GSG1L: variants seen among roughly 807,000 people sequenced by gnomAD.
The protein encoded by GSG1L is GSG1 like.
GSG1L carries 24 observed loss-of-function variants against 42.1 expected under a neutral mutation model. The observed-to-expected ratio is 0.57, with a 90% CI of 0.41 to 0.80. The LOEUF is 0.80. GSG1L is among the 30% of genes least tolerant of loss of function. The probability of loss-of-function intolerance (pLI) is 0.00; values close to 1 mark genes in which losing one functional copy is unlikely to be tolerated. For missense variants in GSG1L, 445 were observed against 472.2 expected, an observed-to-expected ratio of 0.94 and a Z score of 0.53; for synonymous variants, 215 against 203.5, an observed-to-expected ratio of 1.06 and a Z score of -0.48.
At chr16:27,953,092 T>C (rs1041723317) in intron 2 of GSG1L, among the ~76,000 whole-genome samples, 1 of 152,234 alleles carries the variant, frequency 6.6e-6, no homozygotes, top group African/African-American at 2.4e-5. Flanking sequence ...ATTTGTTTTT[T>C]TCTTTTCTTT....
At chr16:27,926,216 C>T (rs1043616514) in intron 2 of GSG1L, among the ~76,000 whole-genome samples, 4 of 152,248 alleles carry the variant, frequency 2.6e-5, no homozygotes, top group Non-Finnish European at 5.9e-5. Flanking sequence ...AATCTGGTCC[C>T]TGTCCTGGCT....
intron 1 of GSG1L, among the ~76,000 whole-genome samples, chr16:28,029,557 ATGGATGCATGGG>A (rs753973989): frequency 2.7e-5 from 4 of 148,792 alleles, no homozygotes; most frequent in African/African-American, 1.0e-4. Flanking sequence ...GGATGGATGG[ATGGATGCATGGG>A]TGGATGGATG....
chr16:27,934,486 G>C (rs912860405), intron 2 of GSG1L, among the ~76,000 whole-genome samples: 2 of 152,188 alleles, frequency 1.3e-5, no homozygotes, highest in South Asian at 2.1e-4. Flanking sequence ...AGTGAGTCTA[G>C]ATTGCGCCAT....
intron 6 of GSG1L, among the ~76,000 whole-genome samples, chr16:27,803,798 TAG>T (rs56327031): frequency 0.42 from 40,315 of 95,382 alleles, 6,397 homozygotes; most frequent in East Asian, 0.49. Context: ...TATATATAGA[TAG>T]ATAGATATAG....
chr16:27,927,137 G>C (rs1337426263), intron 2 of GSG1L, among the ~76,000 whole-genome samples: 3 of 151,876 alleles, frequency 2.0e-5, no homozygotes, highest in African/African-American at 4.8e-5. Flanking sequence ...AGGATCTTTT[G>C]TTTTTCTTTT....
At chr16:27,907,048 C>T (rs954308276) in intron 2 of GSG1L, among the ~76,000 whole-genome samples, 7 of 152,210 alleles carry the variant, frequency 4.6e-5, no homozygotes, top group African/African-American at 1.7e-4. Context: ...GGGCTAGTAT[C>T]CTCAGAGTCT....
At chr16:27,810,403 G>A (rs193119692) in intron 5 of GSG1L, among the ~76,000 whole-genome samples, 4 of 152,338 alleles carry the variant, frequency 2.6e-5, no homozygotes, top group Non-Finnish European at 4.4e-5. Flanking sequence ...CCAGGAGACA[G>A]AGGCTACGGT....
intron 3 of GSG1L, among the ~76,000 whole-genome samples, chr16:27,851,144 C>T (rs1251808640): frequency 6.6e-6 from 1 of 152,076 alleles, no homozygotes; most frequent in African/African-American, 2.4e-5. Flanking sequence ...AATTGGGATG[C>T]GTTACCCAAG....
chr16:28,062,779 G>A (rs1439875144), intron 1 of GSG1L, among the ~76,000 whole-genome samples: 1 of 152,152 alleles, frequency 6.6e-6, no homozygotes, highest in Non-Finnish European at 1.5e-5. Flanking sequence ...GGCAGCGGGG[G>A]TGGGCGCCTT....
chr16:27,876,664 T>G (rs2083891350), intron 3 of GSG1L, among the ~76,000 whole-genome samples: 1 of 152,168 alleles, frequency 6.6e-6, no homozygotes, highest in East Asian at 1.9e-4. Flanking sequence ...GTATAGGCAA[T>G]GGAGTGAAGT....
At chr16:27,881,876 G>T (rs2083961103) in intron 3 of GSG1L, among the ~76,000 whole-genome samples, 1 of 151,926 alleles carries the variant, frequency 6.6e-6, no homozygotes, top group Admixed American at 6.6e-5. Context: ...ACCTGTCCCT[G>T]CCCTCACCCA....
Position 27,830,036 on chromosome 16 carries a change from T to C in GSG1L, c.663-1080A>G, listed in dbSNP as rs547297893. Among the ~76,000 whole-genome samples the C allele has an allele frequency of 3.9e-5, 6 of 152,262 alleles. No individual in the cohort carries two copies. The East Asian group carries it at 1.2e-3, about 29-fold the overall frequency. On this transcript the variant is annotated intron_variant, in intron 4 of 6. Coordinates refer to ENST00000447459, the MANE Select transcript of GSG1L (RefSeq NM_001109763.2). Reference sequence around the variant, plus strand: ...TGAGCCCAGCCCAAACCTGGAGAATTTGTCCTATCCACACTTGGAAAGGTA... The same window carrying C: ...TGAGCCCAGCCCAAACCTGGAGAATCTGTCCTATCCACACTTGGAAAGGTA...
intron 2 of GSG1L, among the ~76,000 whole-genome samples, chr16:27,916,444 T>C (rs1485522291): frequency 6.6e-6 from 1 of 151,544 alleles, no homozygotes; most frequent in Non-Finnish European, 1.5e-5. Flanking sequence ...GCCTCCCAAG[T>C]AGTTGGGTTG....
chr16:27,958,665 G>A (rs2085033775), intron 2 of GSG1L, among the ~76,000 whole-genome samples: 1 of 151,902 alleles, frequency 6.6e-6, no homozygotes, highest in South Asian at 2.1e-4. Context: ...ACGCACTTGG[G>A]GCTATCAAAA....
intron 2 of GSG1L, among the ~76,000 whole-genome samples, chr16:27,923,770 A>AAGAG (rs1178395689): frequency 3.0e-5 from 4 of 133,982 alleles, no homozygotes; most frequent in East Asian, 2.2e-4. Context: ...GAAAGAAAGA[A>AAGAG]AGAGAGAGAG....
intron 2 of GSG1L, among the ~76,000 whole-genome samples, chr16:27,942,430 G>A (rs569316097): frequency 1.8e-4 from 28 of 152,278 alleles, no homozygotes; most frequent in East Asian, 7.7e-4. Context: ...GATTATAGAC[G>A]TGAGCCACCG....
At chr16:27,945,201 T>C (rs909336547) in intron 2 of GSG1L, among the ~76,000 whole-genome samples, 7 of 152,058 alleles carry the variant, frequency 4.6e-5, no homozygotes, top group Non-Finnish European at 8.8e-5. Flanking sequence ...CTAAAATTGA[T>C]AGTGATGATT....
In GSG1L at chr16:27,810,933, C is replaced by A. The variant is rs906881160; in HGVS notation, c.831-3379G>T. ...GAACTCCTGACCTCAGGTGATCCAC[C>A]CACCTTGGCCTCCCAAAGTGCTGGA... On this transcript the variant is annotated intron_variant, in intron 5 of 6. Transcript: ENST00000447459. Among the ~76,000 whole-genome samples the A allele has an allele frequency of 3.9e-5, 6 of 152,254 alleles. No homozygotes were observed. In the South Asian group the frequency reaches 1.2e-3, roughly 32 times the overall value.
At chr16:28,053,080 A>G (rs1228139279) in intron 1 of GSG1L, among the ~76,000 whole-genome samples, 1 of 152,180 alleles carries the variant, frequency 6.6e-6, no homozygotes, top group Non-Finnish European at 1.5e-5. Flanking sequence ...TCAGCCTCCC[A>G]TGCCCTCTTC....
Sources: allele counts gnomAD v4.1 joint callset (sites outside exome capture counted in the v4.1 genomes callset), GRCh38; gene constraint gnomAD v4.1.1; transcripts MANE v1.5; gene names NCBI Gene and HGNC (gene_info 2026-07-23, HGNC 2026-07-21).